RYR3: variants seen among roughly 807,000 people sequenced by gnomAD.
RYR3 encodes ryanodine receptor 3.
In RYR3, 207 loss-of-function variants were observed where a neutral mutation model predicts 584.3. The observed-to-expected ratio is 0.35, with a 90% CI of 0.32 to 0.40. RYR3 has a LOEUF of 0.40. RYR3 is among the 10% of genes least tolerant of loss of function. The pLI is 1.00. For missense variants in RYR3, 5,616 were observed against 6,089.2 expected (o/e 0.92, Z 2.59); for synonymous variants, 2,416 against 2,248.5 (o/e 1.07, Z -2.11).
chr15:33,362,623 T>G (rs193020442), intron 1 of RYR3, among the ~76,000 whole-genome samples: 1 of 152,334 alleles, frequency 6.6e-6, no homozygotes, highest in East Asian at 1.9e-4. Context: ...TCAGCCTTCC[T>G]TGTCAGTCTC....
At chr15:33,624,900 G>A (rs1410098596) in intron 20 of RYR3, among the ~76,000 whole-genome samples, 3 of 152,160 alleles carry the variant, frequency 2.0e-5, no homozygotes, top group East Asian at 3.9e-4. Flanking sequence ...TCTCTAGCAT[G>A]CATTTTTCCC....
intron 1 of RYR3, among the ~76,000 whole-genome samples, chr15:33,398,262 T>C (rs2676069): frequency 0.26 from 40,026 of 152,088 alleles, 6,108 homozygotes; most frequent in African/African-American, 0.42. Flanking sequence ...AGTTGCTAAG[T>C]TTTTATTAGA....
chr15:33,652,080 G>A (rs1370903163), intron 31 of RYR3, among the ~76,000 whole-genome samples: 2 of 152,154 alleles, frequency 1.3e-5, no homozygotes, highest in Non-Finnish European at 2.9e-5. Context: ...CTGGGGTTTG[G>A]TAGACAGAAA....
intron 67 of RYR3, among the ~76,000 whole-genome samples, chr15:33,793,029 C>T (rs1022390754): frequency 1.3e-5 from 2 of 152,170 alleles, no homozygotes; most frequent in East Asian, 1.9e-4. Flanking sequence ...TTCTGCCCAG[C>T]GAACTGCAAA....
chr15:33,658,469 C>T (rs1217242038), intron 32 of RYR3, among the ~76,000 whole-genome samples: 1 of 152,204 alleles, frequency 6.6e-6, no homozygotes, highest in East Asian at 1.9e-4. Context: ...ACAGGTCCTT[C>T]ATCTTTGTCA....
chr15:33,811,671 A>G (rs1259840689), intron 72 of RYR3, among the ~76,000 whole-genome samples: 1 of 152,064 alleles, frequency 6.6e-6, no homozygotes, highest in Non-Finnish European at 1.5e-5. Context: ...CCATTATGTG[A>G]ACGTCAGGCC....
intron 1 of RYR3, among the ~76,000 whole-genome samples, chr15:33,465,260 C>T (rs779755390): frequency 2.0e-5 from 3 of 152,116 alleles, no homozygotes; most frequent in Non-Finnish European, 4.4e-5. Flanking sequence ...TATATATACA[C>T]ATATCTGTAT....
chr15:33,744,175 C>G (rs7172932), intron 52 of RYR3, among the ~76,000 whole-genome samples: 3 of 152,072 alleles, frequency 2.0e-5, no homozygotes, highest in Admixed American at 1.3e-4. Flanking sequence ...AAATATCACT[C>G]CAAGCATGAA....
chr15:33,541,424 A>G (rs529288444), intron 7 of RYR3, among the ~76,000 whole-genome samples: 37 of 152,306 alleles, frequency 2.4e-4, no homozygotes, highest in African/African-American at 8.4e-4. Flanking sequence ...AAGTCATCCA[A>G]CGTTGTTCAA....
chr15:33,387,143 C>T (rs1409062458), intron 1 of RYR3, among the ~76,000 whole-genome samples: 1 of 152,222 alleles, frequency 6.6e-6, no homozygotes, highest in Non-Finnish European at 1.5e-5. Context: ...AGTCGTGAGA[C>T]ACCACGCCCA....
In RYR3 at chr15:33,788,316, G is replaced by T; in HGVS notation, c.9688G>T (p.Val3230Leu). The T allele has an allele frequency of 6.2e-7, 1 of 1,614,024 alleles. No individual in the cohort carries two copies. The highest frequency in any genetic ancestry group is 8.5e-7 in the Non-Finnish European group (1 of 1,179,890). ...EKLKKKAVKT[V>L]QEEEQLKADG... ...GCTGAAGAAAAAGGCTGTCAAGACG[G>T]TGCAGGAGGAGGAGCAGTTGAAAGC... Residue 3230 changes from valine to leucine, a missense_variant, in exon 67 of 104, where the codon GTG (valine) becomes TTG (leucine). Physicochemically the swap from Val to Leu is conservative, Grantham distance 32. This residue lies in a region of RYR3 where 954 missense variants were observed against 1,132.2 expected (regional missense o/e 0.84). Coordinates refer to ENST00000634891, the MANE Select transcript of RYR3 (RefSeq NM_001036.6).
intron 1 of RYR3, among the ~76,000 whole-genome samples, chr15:33,438,990 A>C (rs1462613839): frequency 1.3e-5 from 2 of 152,230 alleles, no homozygotes; most frequent in Non-Finnish European, 2.9e-5. Context: ...CTGATAAATG[A>C]CCCAAGAGTC....
At chr15:33,631,095 G>T (rs2061241384) in intron 22 of RYR3, 115 bp from the exon 23 acceptor site, 1 of 625,166 alleles carries the variant, frequency 1.6e-6, no homozygotes, top group South Asian at 2.2e-5. Flanking sequence ...AAAGTCTACT[G>T]ACCCCTGGGC....
chr15:33,315,943 G>A (rs1011123069), intron 1 of RYR3, among the ~76,000 whole-genome samples: 1 of 152,172 alleles, frequency 6.6e-6, no homozygotes, highest in Non-Finnish European at 1.5e-5. Flanking sequence ...GGATAGGTTT[G>A]CAGTTGAAGA....
chr15:33,403,464 T>C (rs575681416), intron 1 of RYR3, among the ~76,000 whole-genome samples: 12 of 152,324 alleles, frequency 7.9e-5, no homozygotes, highest in African/African-American at 2.6e-4. Flanking sequence ...CGGAGATGAA[T>C]TGAAATACTT....
chr15:33,510,168 C>T (rs1207907345), intron 3 of RYR3, among the ~76,000 whole-genome samples: 1 of 152,194 alleles, frequency 6.6e-6, no homozygotes, highest in African/African-American at 2.4e-5. Flanking sequence ...GGCAGGCAGC[C>T]TGTTTCGGTG....
rs183071205 is a variant in RYR3, at chr15:33,688,434, G to A, written c.5861-7784G>A. 7.8e-3 allele frequency among the ~76,000 whole-genome samples: 1,181 copies of A among 151,984 alleles called. 13 individuals are homozygous for A. The highest frequency in any genetic ancestry group is 0.013 in the Non-Finnish European group (858 of 67,962). ...TAAAAATACAAAAAATTAGCCAGGC[G>A]TGGTGGCGGGCACCTGTAGTCCCAG... On this transcript the variant is annotated intron_variant, in intron 38 of 103. Coordinates refer to ENST00000634891, the MANE Select transcript of RYR3 (RefSeq NM_001036.6).
chr15:33,679,909 TTATAA>T (rs1329252181), intron 38 of RYR3, among the ~76,000 whole-genome samples: 4 of 152,222 alleles, frequency 2.6e-5, no homozygotes, highest in Admixed American at 6.5e-5. Context: ...CATCTAGATA[TTATAA>T]TATAAAGTTA....
In RYR3 at chr15:33,865,218, C is replaced by T; in HGVS notation, c.14605C>T (p.Leu4869Phe). The change falls in exon 104 of 104, where the codon CTT (leucine) becomes TTT (phenylalanine). Residue 4869 changes from leucine (L) to phenylalanine (F), a missense_variant. Around this residue, in one of 9 missense-constraint regions of RYR3, gnomAD observed 918 missense variants for 887.4 expected, o/e 1.03. Transcript: ENST00000634891. ...CTTTCGTAAACAATATGAAGATCAG[C>T]TTGGATAAATCTGAATCAAAGAAGC... ...DCFRKQYEDQ[L>F]G 1.2e-6 allele frequency: 2 copies of T among 1,611,202 alleles called. No homozygotes were observed. The highest frequency in any genetic ancestry group is 2.2e-5 in the East Asian group (1 of 44,708).
Sources: gnomAD v4.1 joint callset for allele counts (sites outside exome capture counted in the v4.1 genomes callset) on GRCh38, gnomAD v4.1.1 for gene constraint, gnomAD v4.1.1 regional missense constraint, MANE v1.5 for transcripts, NCBI Gene and HGNC (gene_info 2026-07-23, HGNC 2026-07-21) for gene names.